CDH12: variants seen among roughly 807,000 people sequenced by gnomAD.
CDH12 encodes the protein cadherin-12.
Under a neutral mutation model 74.1 loss-of-function variants are expected in CDH12, and 41 were observed. That is an observed-to-expected ratio of 0.55 (90% CI 0.43 to 0.72). The LOEUF is 0.72. Among genes scored for constraint, CDH12 ranks in the 30% least tolerant of loss-of-function variants. The pLI is 0.00. For synonymous variants in CDH12, 399 were observed against 355.0 expected (o/e 1.12, Z -1.39); for missense variants, 945 against 977.2 (o/e 0.97, Z 0.44).
chr5:21,945,293 G>T (rs1017931039), intron 6 of CDH12, among the ~76,000 whole-genome samples: 5 of 151,800 alleles, frequency 3.3e-5, no homozygotes, highest in African/African-American at 1.2e-4. Context: ...GGGTGCATTG[G>T]CACATGCCTG....
At chr5:22,742,259 AC>A (rs746552227) in intron 1 of CDH12, among the ~76,000 whole-genome samples, 21 of 152,040 alleles carry the variant, frequency 1.4e-4, no homozygotes, top group Non-Finnish European at 2.2e-4. Context: ...AAAAGAAAAG[AC>A]CTTCCAAGAA....
In CDH12 at chr5:22,586,526, T is replaced by C. The variant is rs141076339; in HGVS notation, c.-522-81162A>G. Among the ~76,000 whole-genome samples the C allele has an allele frequency of 3.5e-3, 527 of 149,936 alleles. 1 individual carries two copies. Among genetic ancestry groups the C allele is most frequent in the African/African-American group, 0.012 (498 of 40,996 alleles). Reference sequence around the variant, plus strand: ...ATATAAATAAAAATAAAACTTGAAGTAAAATATTTCTGCAAAAGAGATATG... The same window carrying C: ...ATATAAATAAAAATAAAACTTGAAGCAAAATATTTCTGCAAAAGAGATATG... On this transcript the variant is annotated intron_variant, in intron 1 of 14. Coordinates refer to ENST00000382254, the MANE Select transcript of CDH12 (RefSeq NM_004061.5).
At chr5:22,392,634 T>C (rs926270984) in intron 3 of CDH12, among the ~76,000 whole-genome samples, 3 of 152,208 alleles carry the variant, frequency 2.0e-5, no homozygotes, top group African/African-American at 7.2e-5. Context: ...GTATCCATGC[T>C]TCATCTCATT....
chr5:21,843,286 A>G (rs539816309), intron 7 of CDH12, among the ~76,000 whole-genome samples: 85 of 152,286 alleles, frequency 5.6e-4, no homozygotes, highest in African/African-American at 2.0e-3. Flanking sequence ...ATATATAAAT[A>G]ACAAATATAA....
In CDH12 at chr5:22,611,395, C is replaced by T. The variant is rs997649306; in HGVS notation, c.-522-106031G>A. ...TAAGCAAATTTAGTCAATTCTGGCT[C>T]TTAGATCCTTCTTAGCATCACCCTG... On this transcript the variant is annotated intron_variant, in intron 1 of 14. Transcript: ENST00000382254. 2.0e-5 allele frequency among the ~76,000 whole-genome samples: 3 copies of T among 152,134 alleles called. No homozygotes were observed. In the East Asian group the frequency reaches 5.8e-4, roughly 29 times the overall value.
At chr5:22,319,418 G>A (rs972194798) in intron 3 of CDH12, among the ~76,000 whole-genome samples, 1 of 152,132 alleles carries the variant, frequency 6.6e-6, no homozygotes, top group Non-Finnish European at 1.5e-5. Context: ...AAAAGGCAAC[G>A]CAGTTTACAC....
intron 6 of CDH12, among the ~76,000 whole-genome samples, chr5:21,865,582 A>G (rs531134624): frequency 7.9e-4 from 121 of 152,232 alleles, no homozygotes; most frequent in African/African-American, 2.7e-3. Context: ...CCCACATTCC[A>G]GCACAATGCT....
At chr5:21,999,860 G>A (rs1183619685) in intron 5 of CDH12, among the ~76,000 whole-genome samples, 2 of 151,152 alleles carry the variant, frequency 1.3e-5, no homozygotes, top group African/African-American at 4.9e-5. Context: ...TATGACCTTG[G>A]GCAAAATAAT....
At chr5:22,808,690 C>T (rs564813757) in intron 1 of CDH12, among the ~76,000 whole-genome samples, 47 of 130,222 alleles carry the variant, frequency 3.6e-4, no homozygotes, top group Non-Finnish European at 5.3e-4. Context: ...ACTGCAACTT[C>T]TGCTCCCGGG....
chr5:22,655,660 G>A (rs1478652531), intron 1 of CDH12, among the ~76,000 whole-genome samples: 2 of 152,120 alleles, frequency 1.3e-5, no homozygotes, highest in Non-Finnish European at 2.9e-5. Flanking sequence ...GATCTGCCTG[G>A]AGGACAATGA....
intron 4 of CDH12, among the ~76,000 whole-genome samples, chr5:22,147,255 T>C (rs1208129143): frequency 1.3e-5 from 2 of 152,224 alleles, no homozygotes; most frequent in Admixed American, 1.3e-4. Context: ...CGTTTTTATC[T>C]TGAGGATCAC....
chr5:22,729,756 C>T (rs1315485009), intron 1 of CDH12, among the ~76,000 whole-genome samples: 2 of 151,834 alleles, frequency 1.3e-5, no homozygotes, highest in East Asian at 1.9e-4. Context: ...CTCTTCTTGT[C>T]CAGCACAGCA....
At chr5:22,569,828 C>A (rs1418286500) in intron 1 of CDH12, among the ~76,000 whole-genome samples, 1 of 152,092 alleles carries the variant, frequency 6.6e-6, no homozygotes, top group African/African-American at 2.4e-5. Flanking sequence ...GTCTTGAACT[C>A]TTCTAAGTCA....
intron 4 of CDH12, among the ~76,000 whole-genome samples, chr5:22,132,199 G>A (rs543178808): frequency 2.0e-5 from 3 of 152,066 alleles, no homozygotes; most frequent in African/African-American, 7.2e-5. Flanking sequence ...TCCTTCCACT[G>A]TTGAGTGGAA....
chr5:22,775,930 C>T (rs752029539), intron 1 of CDH12, among the ~76,000 whole-genome samples: 1 of 152,044 alleles, frequency 6.6e-6, no homozygotes, highest in Admixed American at 6.6e-5. Context: ...CCCTTGAGAT[C>T]TGATGGGTTT....
intron 11 of CDH12, among the ~76,000 whole-genome samples, chr5:21,781,647 C>A (rs1411816295): frequency 6.6e-6 from 1 of 151,828 alleles, no homozygotes; most frequent in African/African-American, 2.4e-5. Context: ...TCGCTTGAAC[C>A]CAGAAGGCGG....
intron 3 of CDH12, among the ~76,000 whole-genome samples, chr5:22,283,271 CACACATATACACACAT>C (rs1411807421): frequency 2.7e-4 from 39 of 143,128 alleles, no homozygotes; most frequent in African/African-American, 9.8e-4. Flanking sequence ...CACACACACA[CACACATATACACACAT>C]ATATATATAG....
At chr5:22,433,687 C>A (rs1744264651) in intron 2 of CDH12, among the ~76,000 whole-genome samples, 1 of 152,198 alleles carries the variant, frequency 6.6e-6, no homozygotes, top group Admixed American at 6.5e-5. Flanking sequence ...ATTCTATAAG[C>A]AAACAGATAT....
chr5:22,569,546 C>A (rs187202639), intron 1 of CDH12, among the ~76,000 whole-genome samples: 21 of 152,292 alleles, frequency 1.4e-4, no homozygotes, highest in Non-Finnish European at 3.1e-4. Context: ...GTCTCGCACA[C>A]CTCAAATCCT....
Sources: gnomAD v4.1 joint callset for allele counts (sites outside exome capture counted in the v4.1 genomes callset) on GRCh38, gnomAD v4.1.1 for gene constraint, MANE v1.5 for transcripts, NCBI Gene and HGNC (gene_info 2026-07-23, HGNC 2026-07-21) for gene names.